TCF7: variants seen among roughly 807,000 people sequenced by gnomAD.
The protein encoded by TCF7 is transcription factor 7.
TCF7 carries 19 observed loss-of-function variants against 46.8 expected under a neutral mutation model. The observed-to-expected ratio is 0.41, with a 90% CI of 0.28 to 0.60. The LOEUF (loss-of-function observed/expected upper bound fraction) is 0.60. Ranked by LOEUF, TCF7 falls within the 20% of genes least tolerant of loss-of-function variation. TCF7 has a pLI of 0.35. For missense variants in TCF7, 547 were observed against 504.6 expected (o/e 1.08, Z -0.81); for synonymous variants, 245 against 213.4 (o/e 1.15, Z -1.29).
At chr5:134,137,425 CAAAAAA>C (rs752883165) in intron 3 of TCF7, among the ~76,000 whole-genome samples, 2 of 56,576 alleles carry the variant, frequency 3.5e-5, no homozygotes, top group East Asian at 6.3e-4. Flanking sequence ...GACTCTGTCT[CAAAAAA>C]AAAAAAAAAA....
intron 3 of TCF7, among the ~76,000 whole-genome samples, chr5:134,132,470 C>T (rs942495352): frequency 1.2e-4 from 19 of 152,218 alleles, no homozygotes; most frequent in Non-Finnish European, 2.8e-4. Flanking sequence ...CACTGGGAGG[C>T]GTTCTTGGGA....
intron 9 of TCF7, chr5:134,144,858 T>A: frequency 1.9e-6 from 3 of 1,614,110 alleles, no homozygotes; most frequent in Non-Finnish European, 2.5e-6. Context: ...CGGATTGGTG[T>A]GGTCCGTGCA....
rs1043354421 is a variant in TCF7, at chr5:134,115,649, G to A, written c.317-260G>A. On this transcript the variant is annotated intron_variant, in intron 2 of 9. Coordinates refer to ENST00000342854, the MANE Select transcript of TCF7 (RefSeq NM_003202.5). Reference sequence around the variant, plus strand: ...TGCCCAGGTGACTGACTAATCCGCCGCCTTCAGGAGACAGAATTGGCCAAG... The same window carrying A: ...TGCCCAGGTGACTGACTAATCCGCCACCTTCAGGAGACAGAATTGGCCAAG... 3 of 1,430,470 alleles carry A rather than the reference G, an allele frequency of 2.1e-6. No individual in the cohort carries two copies. The African/African-American group carries it at 4.3e-5, about 21-fold the overall frequency. The allele number at this position is 1,430,470 out of a possible 1,614,324, so 88.6% of individuals were successfully genotyped here.
upstream of TCF7, among the ~76,000 whole-genome samples, chr5:134,113,960 C>T (rs1580780137): frequency 6.6e-6 from 1 of 152,238 alleles, no homozygotes; most frequent in East Asian, 1.9e-4. Context: ...GTCACGGAAC[C>T]GAGTTGGGAG....
chr5:134,115,271 C>G (rs1755640907), intron 1 of TCF7, 50 bp from the exon 2 acceptor site: 1 of 1,497,440 alleles, frequency 6.7e-7, no homozygotes. Flanking sequence ...GCGTCGGCCC[C>G]GACCCCCGCG....
chr5:134,136,887 A>G (rs1356297681), intron 3 of TCF7, among the ~76,000 whole-genome samples: 1 of 152,198 alleles, frequency 6.6e-6, no homozygotes, highest in East Asian at 1.9e-4. Context: ...GCCAGGAGTC[A>G]GAGATCACTC....
At chr5:134,144,443 G>A in intron 9 of TCF7, 1 of 309,426 alleles carries the variant, frequency 3.2e-6, no homozygotes, top group Non-Finnish European at 6.1e-6. Flanking sequence ...GGTGGCCCTA[G>A]GGCATAAAAG....
rs561740661 is a variant in TCF7, at chr5:134,125,647, T to C, written c.441+9614T>C. Among the ~76,000 whole-genome samples the C allele has an allele frequency of 2.6e-5, 4 of 152,324 alleles. 1 individual carries two copies. The highest frequency in any genetic ancestry group is 2.1e-4 in the South Asian group (1 of 4,820). Reference sequence around the variant, plus strand: ...GCCTGGAATGCTGGTAGGAACCTTATTGGAAAGCTAGTGGAACCATCTTAC... The same window carrying C: ...GCCTGGAATGCTGGTAGGAACCTTACTGGAAAGCTAGTGGAACCATCTTAC... On this transcript the variant is annotated intron_variant, in intron 3 of 9. Coordinates refer to ENST00000342854, the MANE Select transcript of TCF7 (RefSeq NM_003202.5).
chr5:134,115,482 C>T, intron 2 of TCF7, 95 bp downstream of exon 2: 2 of 1,509,166 alleles, frequency 1.3e-6, no homozygotes, highest in Non-Finnish European at 1.8e-6. Context: ...CCGGGTGCCT[C>T]CCCCACCGCA....
chr5:134,138,750 C>A, intron 4 of TCF7: 3 of 762,792 alleles, frequency 3.9e-6, no homozygotes, highest in Non-Finnish European at 6.1e-6. Context: ...GTCACCCCAG[C>A]CCTCTGCCCT....
chr5:134,133,553 G>A (rs541255808), intron 3 of TCF7, among the ~76,000 whole-genome samples: 3 of 152,196 alleles, frequency 2.0e-5, no homozygotes, highest in African/African-American at 4.8e-5. Context: ...TCCACTGGGC[G>A]AGGGGGACAT....
In TCF7 at chr5:134,142,046, TTA is replaced by T. The variant is rs1197310635; in HGVS notation, c.636-137_636-136del. On this transcript the variant is annotated intron_variant, in intron 5 of 9. Coordinates refer to ENST00000342854, the MANE Select transcript of TCF7 (RefSeq NM_003202.5). ...GGTATTTGTATTTATCTCTGTGTAC[TTA>T]TGTCTAGGCCAGTAGGATAGAGTAT... 3 of 1,215,950 alleles carry T rather than the reference TTA, an allele frequency of 2.5e-6. No individual in the cohort carries two copies. In the East Asian group the frequency reaches 7.1e-5, roughly 29 times the overall value. 75.3% of individuals were successfully genotyped at this position (1,215,950 alleles called of 1,614,324 possible).
chr5:134,113,435 C>T (rs896912780), upstream of TCF7, among the ~76,000 whole-genome samples: 1 of 152,210 alleles, frequency 6.6e-6, no homozygotes, highest in Non-Finnish European at 1.5e-5. Flanking sequence ...GGCCTGGACC[C>T]GGAGGGAGGC....
At chr5:134,113,660 A>G (rs1202043067), upstream of TCF7, among the ~76,000 whole-genome samples, 1 of 152,286 alleles carries the variant, frequency 6.6e-6, no homozygotes, top group South Asian at 2.1e-4. Flanking sequence ...TCTTTTGTAG[A>G]TGCAGGGGCT....
chr5:134,121,312 G>A (rs967435569), intron 3 of TCF7, among the ~76,000 whole-genome samples: 5 of 151,924 alleles, frequency 3.3e-5, no homozygotes, highest in South Asian at 2.1e-4. Flanking sequence ...GGCTGGGTGC[G>A]GTGGCTCATG....
upstream of TCF7, among the ~76,000 whole-genome samples, chr5:134,109,969 TCCA>T (rs1755309556): frequency 2.6e-5 from 4 of 152,274 alleles, no homozygotes; most frequent in South Asian, 8.3e-4. Flanking sequence ...CAGTGGCCAC[TCCA>T]CGTTTGCCTT....
rs777406483 is a variant in TCF7 at position 134,115,404 on chromosome 5, C to T, written c.316+17C>T. Reference sequence around the variant, plus strand: ...TGGAGGACGGTGAGTTTCTGCCCGGCCCGGCTTCCCTTCGTCGCGCTCAGG... The same window carrying T: ...TGGAGGACGGTGAGTTTCTGCCCGGTCCGGCTTCCCTTCGTCGCGCTCAGG... On this transcript the variant is annotated intron_variant, in intron 2 of 9. Transcript: ENST00000342854. The T allele has an allele frequency of 1.9e-6, 3 of 1,590,558 alleles. No individual in the cohort carries two copies. The highest frequency in any genetic ancestry group is 1.7e-5 in the Admixed American group (1 of 57,682).
intron 9 of TCF7, chr5:134,144,187 C>G (rs1326325341): frequency 6.2e-6 from 1 of 160,986 alleles, no homozygotes; most frequent in African/African-American, 2.4e-5. Context: ...TCTCTGGTAA[C>G]TGAGACTCCA....
chr5:134,110,364 C>T (rs1755313320), upstream of TCF7, among the ~76,000 whole-genome samples: 1 of 152,152 alleles, frequency 6.6e-6, no homozygotes, highest in South Asian at 2.1e-4. Flanking sequence ...GAACTGACCC[C>T]AAAGCCCCCT....
Sources: allele counts gnomAD v4.1 joint callset (sites outside exome capture counted in the v4.1 genomes callset), GRCh38; gene constraint gnomAD v4.1.1; transcripts MANE v1.5; gene names NCBI Gene and HGNC (gene_info 2026-07-23, HGNC 2026-07-21).